CYP26C1: variants seen among roughly 807,000 people sequenced by gnomAD.
CYP26C1 encodes cytochrome P450 26C1.
CYP26C1 carries 41 observed loss-of-function variants against 39.1 expected under a neutral mutation model. That is an observed-to-expected ratio of 1.05 (90% CI 0.82 to 1.36). The LOEUF is 1.36. Among genes scored for constraint, CYP26C1 ranks in the 40% most tolerant of loss-of-function variants. The pLI is 0.00. For synonymous variants in CYP26C1, 362 were observed against 350.8 expected (o/e 1.03, Z -0.36); for missense variants, 833 against 752.0 (o/e 1.11, Z -1.26).
Position 93,061,372 on chromosome 10 carries a change from T to A in CYP26C1, c.109T>A (p.Trp37Arg), listed in dbSNP as rs777217849. 1.9e-6 allele frequency: 3 copies of A among 1,575,208 alleles called. No individual in the cohort carries two copies. The highest frequency in any genetic ancestry group is 1.3e-5 in the African/African-American group (1 of 74,358). The change falls in exon 1 of 6, where the codon TGG becomes AGG. Residue 37 changes from tryptophan to arginine, a missense_variant. Trp to Arg is a moderately radical substitution (Grantham distance 101, BLOSUM62 -3). Transcript: ENST00000651965. ...SLAQHLWTLR[W>R]MLSRDRASTL... ...GGCCCAGCACCTCTGGACCCTCCGCTGGATGCTGAGCCGGGACCGGGCCTC... is the reference window on the plus strand; with the variant it reads ...GGCCCAGCACCTCTGGACCCTCCGCAGGATGCTGAGCCGGGACCGGGCCTC...
intron 3 of CYP26C1, 99 bp from the exon 4 acceptor site, chr10:93,064,282 T>G: frequency 6.8e-7 from 1 of 1,470,432 alleles, no homozygotes; most frequent in Non-Finnish European, 9.0e-7. Context: ...AACACAAGGA[T>G]GTTGGCAGAG....
chr10:93,061,048 G>T lies in CYP26C1; in HGVS notation c.-216G>T, dbSNP rs1480652162. 3 of 543,586 alleles carry T rather than the reference G, an allele frequency of 5.5e-6. No individual in the cohort carries two copies. In the East Asian group the frequency reaches 1.0e-4, roughly 18 times the overall value. The allele number at this position is 543,586 out of a possible 1,614,324, so 33.7% of individuals were successfully genotyped here. A position where few individuals can be genotyped will look rare whatever the true frequency, so the allele number is the denominator to read the frequency against. On this transcript the variant is annotated 5_prime_UTR_variant, in exon 1 of 6. Transcript: ENST00000651965. ...CCTGAGCGTGCCGGCCTCGAGGAAGGCACGTTCCCTAAGGGCGCACGGTCA... is the reference window on the plus strand; with the variant it reads ...CCTGAGCGTGCCGGCCTCGAGGAAGTCACGTTCCCTAAGGGCGCACGGTCA...
Position 93,061,369 on chromosome 10 carries a change from C to A in CYP26C1, c.106C>A (p.Arg36Ser). ...CCTGGCCCAGCACCTCTGGACCCTC[C>A]GCTGGATGCTGAGCCGGGACCGGGC... The part of the protein sequence containing the change: ...LSLAQHLWTL[R>S]WMLSRDRAST... Residue 36 changes from arginine (R) to serine (S), a missense_variant, in exon 1 of 6, where the codon CGC (arginine) becomes AGC (serine). Physicochemically the swap from Arg to Ser is moderately radical, Grantham distance 110 (BLOSUM62 -1). Coordinates refer to ENST00000651965, the MANE Select transcript of CYP26C1 (RefSeq NM_183374.3). The A allele has an allele frequency of 6.3e-7, 1 of 1,577,062 alleles. No homozygotes were observed. Among genetic ancestry groups the A allele is most frequent in the Non-Finnish European group, 8.6e-7 (1 of 1,161,766 alleles).
At chr10:93,063,571 C>T (rs956885068) in intron 3 of CYP26C1, 25 of 985,646 alleles carry the variant, frequency 2.5e-5, no homozygotes, top group South Asian at 4.7e-5. Flanking sequence ...TGCCCCATCC[C>T]GCCTTTTGGT....
chr10:93,063,927 A>C, intron 3 of CYP26C1: 1 of 988,610 alleles, frequency 1.0e-6, no homozygotes, highest in Non-Finnish European at 1.2e-6. Context: ...ACGCTCTTAC[A>C]GAGGCTAATG....
In CYP26C1 at chr10:93,062,732, G is replaced by A. The variant is rs1454797804; in HGVS notation, c.442G>A (p.Val148Met). 1.4e-6 allele frequency: 2 copies of A among 1,429,368 alleles called. No individual in the cohort carries two copies. Among genetic ancestry groups the A allele is most frequent in the African/African-American group, 3.0e-5 (2 of 66,324 alleles). 88.5% of individuals were successfully genotyped at this position (1,429,368 alleles called of 1,614,324 possible). The change falls in exon 3 of 6, where the codon GTG becomes ATG. Residue 148 changes from valine (V) to methionine (M), a missense_variant. Coordinates refer to ENST00000651965, the MANE Select transcript of CYP26C1 (RefSeq NM_183374.3). ...HRRRRKVLAR[V>M]FSRAALERYV... is the part of the protein sequence containing the mutation. Reference sequence around the variant, plus strand: ...CGCGCTCCCACAGGTCCTGGCGCGCGTGTTCAGCCGCGCCGCGCTGGAGCG... The same window carrying A: ...CGCGCTCCCACAGGTCCTGGCGCGCATGTTCAGCCGCGCCGCGCTGGAGCG...
At chr10:93,066,307 A>G (rs1287613485) in intron 5 of CYP26C1, 22 bp downstream of exon 5, 3 of 1,320,754 alleles carry the variant, frequency 2.3e-6, no homozygotes, top group Non-Finnish European at 9.7e-7. Context: ...GTGCCAGCCC[A>G]TGGCCAGCCT....
chr10:93,062,299 C>A, intron 2 of CYP26C1, 65 bp downstream of exon 2: 1 of 1,450,182 alleles, frequency 6.9e-7, no homozygotes. Flanking sequence ...CTGCCATGGG[C>A]CAGGCCGGGG....
chr10:93,060,862 G>A lies in CYP26C1; in HGVS notation c.-402G>A, dbSNP rs1171936740. ...TCTGCAGACCAGGTTGGCAACACTG[G>A]TGAGTTGCTCTTCTTTCGCCCTCCT... is the stretch of plus-strand genomic sequence containing the variant. On this transcript the variant is annotated 5_prime_UTR_variant, in exon 1 of 6. In the 5' UTR this introduces an upstream ATG that the reference lacks. Transcript: ENST00000651965. 1 of 239,344 alleles carries A rather than the reference G, an allele frequency of 4.2e-6. No homozygotes were observed. The highest frequency in any genetic ancestry group is 1.4e-4 in the East Asian group (1 of 7,256). 14.8% of individuals were successfully genotyped at this position (239,344 alleles called of 1,614,324 possible). A position where few individuals can be genotyped will look rare whatever the true frequency, so the allele number is the denominator to read the frequency against.
At chr10:93,062,690 C>A in intron 2 of CYP26C1, 30 bp from the exon 3 acceptor site, 1 of 1,393,676 alleles carries the variant, frequency 7.2e-7, no homozygotes, top group Non-Finnish European at 9.2e-7. Context: ...GCCAGACCGC[C>A]GCCAGCGCTG....
intron 5 of CYP26C1, 33 bp downstream of exon 5, chr10:93,066,318 C>T (rs1260454030): frequency 2.4e-6 from 3 of 1,265,454 alleles, no homozygotes; most frequent in African/African-American, 1.6e-5. Context: ...TGGCCAGCCT[C>T]CTGCCTCCTG....
chr10:93,064,886 C>G, intron 4 of CYP26C1: 1 of 965,162 alleles, frequency 1.0e-6, no homozygotes, highest in Non-Finnish European at 1.2e-6. Context: ...GCCTACAAAG[C>G]CCTCATTATT....
At position 93,068,667 on chromosome 10, in the gene CYP26C1, T is replaced by C. The variant is rs776377032; in HGVS notation, c.1539T>C (p.Pro513=). The stretch of plus-strand genomic sequence containing the variant: ...GGCTCTTTTTCCACCCCCTCACGCC[T>C]TCGGTTGCGGGGAATGGGCTATGCC... The part of the protein sequence containing the change: ...GLRLFFHPLT[P]SVAGNGLCL Residue 513 remains proline, a synonymous_variant, in exon 6 of 6, where the codon CCT becomes CCC. Transcript: ENST00000651965. 1.9e-6 allele frequency: 3 copies of C among 1,579,744 alleles called. No homozygotes were observed. The Admixed American group carries it at 5.2e-5, about 27-fold the overall frequency.
At chr10:93,066,791 C>T (rs975340528) in intron 5 of CYP26C1, among the ~76,000 whole-genome samples, 3 of 152,118 alleles carry the variant, frequency 2.0e-5, no homozygotes, top group Admixed American at 6.5e-5. Context: ...ACCGGGTAGA[C>T]GCTTCATCTC....
chr10:93,066,374 T>A (rs1282518555), intron 5 of CYP26C1, 89 bp downstream of exon 5: 4 of 1,190,260 alleles, frequency 3.4e-6, no homozygotes, highest in Non-Finnish European at 4.2e-6. Flanking sequence ...GGCGCCCAGG[T>A]GGGAGGAGGG....
chr10:93,062,818 C>G lies in CYP26C1; in HGVS notation c.528C>G (p.Gly176=). 6.4e-7 allele frequency: 1 copy of G among 1,562,130 alleles called. No individual in the cohort carries two copies. The highest frequency in any genetic ancestry group is 2.3e-5 in the East Asian group (1 of 42,790). Residue 176 remains glycine (G), a synonymous_variant, in exon 3 of 6, where the codon GGC becomes GGG. Transcript: ENST00000651965. ...AGGTGCGCTCCTGGTGCGCGGCGGG[C>G]GGGCCGGTCTCAGTCTACGACGCCT... The part of the protein sequence containing the change: ...RHEVRSWCAA[G]GPVSVYDASK...
intron 3 of CYP26C1, chr10:93,064,176 T>A: frequency 7.4e-7 from 1 of 1,359,010 alleles, no homozygotes; most frequent in Non-Finnish European, 9.6e-7. Flanking sequence ...ATTGTGATAA[T>A]CAAGACAGAA....
rs188299167 is a variant in CYP26C1, at chr10:93,064,658, A to G, written c.861+122A>G. On this transcript the variant is annotated intron_variant, in intron 4 of 5. Coordinates refer to ENST00000651965, the MANE Select transcript of CYP26C1 (RefSeq NM_183374.3). Reference sequence around the variant, plus strand: ...CACTTTGAGGCACAGGCAGTCCTCAAGATGAGGGGCAAGAGGAGACCTGGG... The same window carrying G: ...CACTTTGAGGCACAGGCAGTCCTCAGGATGAGGGGCAAGAGGAGACCTGGG... The G allele has an allele frequency of 2.2e-5, 32 of 1,482,430 alleles. No homozygotes were observed. The Admixed American group carries it at 7.4e-4, about 34-fold the overall frequency. The allele number at this position is 1,482,430 out of a possible 1,614,324, so 91.8% of individuals were successfully genotyped here.
Position 93,061,168 on chromosome 10 carries a change from GA to G in CYP26C1, c.-95del. The stretch of plus-strand genomic sequence containing the variant: ...GCCCCCAAACCCCAGGCCTTTTGCG[GA>G]CGGAACAGGTGAGCACTGCGCACTG... On this transcript the variant is annotated 5_prime_UTR_variant, in exon 1 of 6. Transcript: ENST00000651965. 2 of 1,321,598 alleles carry G rather than the reference GA, an allele frequency of 1.5e-6. No individual in the cohort carries two copies. Among genetic ancestry groups the G allele is most frequent in the Non-Finnish European group, 2.1e-6 (2 of 971,418 alleles). 81.9% of individuals were successfully genotyped at this position (1,321,598 alleles called of 1,614,324 possible). A position where few individuals can be genotyped will look rare whatever the true frequency, so the allele number is the denominator to read the frequency against.
Sources: gnomAD v4.1 joint callset for allele counts (sites outside exome capture counted in the v4.1 genomes callset) on GRCh38, gnomAD v4.1.1 for gene constraint, MANE v1.5 for transcripts, NCBI Gene and HGNC (gene_info 2026-07-23, HGNC 2026-07-21) for gene names.